CCDC6: variants seen among roughly 807,000 people sequenced by gnomAD.
CCDC6 encodes the protein coiled-coil domain-containing protein 6.
CCDC6 carries 20 observed loss-of-function variants against 56.6 expected under a neutral mutation model. The observed-to-expected ratio is 0.35, with a 90% CI of 0.25 to 0.51. The LOEUF is 0.51. CCDC6 is among the 20% of genes least tolerant of loss of function. CCDC6 has a pLI of 0.95. For synonymous variants in CCDC6, 241 were observed against 234.4 expected (o/e 1.03, Z -0.26); for missense variants, 367 against 601.1 (o/e 0.61, Z 4.07).
chr10:59,865,641 CAA>C (rs1305746968), intron 1 of CCDC6, among the ~76,000 whole-genome samples: 2 of 151,924 alleles, frequency 1.3e-5, no homozygotes. Flanking sequence ...ATCACGAGGT[CAA>C]GAGATAGAGA....
intron 3 of CCDC6, among the ~76,000 whole-genome samples, chr10:59,830,032 C>T (rs548786142): frequency 1.3e-4 from 20 of 152,320 alleles, no homozygotes; most frequent in African/African-American, 4.8e-4. Flanking sequence ...GCGCTGCCTT[C>T]TGAAATACAG....
At chr10:59,892,404 G>A (rs2071428937) in intron 1 of CCDC6, among the ~76,000 whole-genome samples, 1 of 152,096 alleles carries the variant, frequency 6.6e-6, no homozygotes, top group African/African-American at 2.4e-5. Context: ...CCAAACCCTT[G>A]GAAACCCACT....
chr10:59,807,416 T>C (rs564214258), intron 5 of CCDC6, among the ~76,000 whole-genome samples: 10 of 151,954 alleles, frequency 6.6e-5, no homozygotes, highest in African/African-American at 2.4e-4. Flanking sequence ...ACTCAGGAGG[T>C]GGAGGTTGTA....
intron 1 of CCDC6, among the ~76,000 whole-genome samples, chr10:59,858,473 T>C (rs1348593535): frequency 1.3e-5 from 2 of 152,228 alleles, no homozygotes; most frequent in African/African-American, 4.8e-5. Flanking sequence ...GTTACAGGAC[T>C]GCAGAGCAAG....
chr10:59,804,784 C>T, intron 6 of CCDC6: 1 of 393,896 alleles, frequency 2.5e-6, no homozygotes, highest in Non-Finnish European at 4.7e-6. Context: ...AGGTGCACCA[C>T]ACCACAGAGA....
chr10:59,873,464 G>A (rs114410729), intron 1 of CCDC6, among the ~76,000 whole-genome samples: 397 of 152,194 alleles, frequency 2.6e-3, no homozygotes, highest in African/African-American at 8.0e-3. Context: ...GATCTTCCCC[G>A]GCCAGAGGTT....
At chr10:59,793,790 G>A (rs1403304909) in intron 8 of CCDC6, among the ~76,000 whole-genome samples, 2 of 132,318 alleles carry the variant, frequency 1.5e-5, no homozygotes, top group Non-Finnish European at 3.3e-5. Context: ...AAAAAAAAAA[G>A]TTCCTACTTT....
At chr10:59,883,851 T>C (rs1209038598) in intron 1 of CCDC6, among the ~76,000 whole-genome samples, 1 of 152,214 alleles carries the variant, frequency 6.6e-6, no homozygotes, top group South Asian at 2.1e-4. Context: ...ATAAACTGGA[T>C]AAAGTTTAAT....
At chr10:59,841,561 T>G (rs956573135) in intron 2 of CCDC6, among the ~76,000 whole-genome samples, 5 of 152,196 alleles carry the variant, frequency 3.3e-5, no homozygotes, top group African/African-American at 1.2e-4. Context: ...GCAGTATTAG[T>G]TCCTCCTTTC....
At chr10:59,888,442 G>A (rs1259605195) in intron 1 of CCDC6, among the ~76,000 whole-genome samples, 1 of 152,228 alleles carries the variant, frequency 6.6e-6, no homozygotes, top group Non-Finnish European at 1.5e-5. Context: ...CATACCTACT[G>A]AGGGCAGAAC....
At chr10:59,884,389 C>T (rs2071367542) in intron 1 of CCDC6, among the ~76,000 whole-genome samples, 1 of 152,188 alleles carries the variant, frequency 6.6e-6, no homozygotes, top group Admixed American at 6.5e-5. Context: ...TTCAAAAGCA[C>T]ATACTCTAAA....
rs2070454942 is a variant in CCDC6 at position 59,790,105 on chromosome 10, A to G, written c.*2812T>C. 1 of 214,052 alleles carries G rather than the reference A, an allele frequency of 4.7e-6. No individual in the cohort carries two copies. The highest frequency in any genetic ancestry group is 5.9e-5 in the Admixed American group (1 of 17,056). 13.3% of individuals were successfully genotyped at this position (214,052 alleles called of 1,614,324 possible). A position where few individuals can be genotyped will look rare whatever the true frequency, so the allele number is the denominator to read the frequency against. ...TCTGTCTAGAGTGCTAGCATGCTTGATGAGAGAAAGCAGTTCAGAGCCCAA... is the reference window on the plus strand; with the variant it reads ...TCTGTCTAGAGTGCTAGCATGCTTGGTGAGAGAAAGCAGTTCAGAGCCCAA... On this transcript the variant is annotated 3_prime_UTR_variant, in exon 9 of 9. Coordinates refer to ENST00000263102, the MANE Select transcript of CCDC6 (RefSeq NM_005436.5).
At chr10:59,830,076 A>G (rs1327257061) in intron 3 of CCDC6, among the ~76,000 whole-genome samples, 1 of 152,170 alleles carries the variant, frequency 6.6e-6, no homozygotes, top group Admixed American at 6.6e-5. Flanking sequence ...CCAAACCTAC[A>G]CTTACTACTG....
chr10:59,889,741 T>G (rs2071407946), intron 1 of CCDC6, among the ~76,000 whole-genome samples: 1 of 152,160 alleles, frequency 6.6e-6, no homozygotes, highest in Admixed American at 6.5e-5. Context: ...ATTTCTCCCC[T>G]TTCTCCAACT....
intron 1 of CCDC6, among the ~76,000 whole-genome samples, chr10:59,883,231 A>G (rs193164362): frequency 6.6e-6 from 1 of 152,306 alleles, no homozygotes; most frequent in East Asian, 1.9e-4. Flanking sequence ...AGCAGACAAC[A>G]CTGTCAGTTA....
Position 59,906,381 on chromosome 10 carries a change from C to T in CCDC6, c.44G>A (p.Gly15Asp), listed in dbSNP as rs777134350. ...CATGGCGGCCGAGCTGCTGCTGTTG[C>T]CCCCCGCCCCGTCCGTGTCGCTCTC... is the stretch of plus-strand genomic sequence containing the variant. ...ASESDTDGAGGNSSSSAAMQS... is the reference protein window; with the variant it reads ...ASESDTDGAGDNSSSSAAMQS... The change falls in exon 1 of 9, where the codon GGC (glycine) becomes GAC (aspartate). Residue 15 changes from glycine (G) to aspartate (D), a missense_variant. Physicochemically the swap from Gly to Asp is moderately conservative, Grantham distance 94. Around this residue, in one of 7 missense-constraint regions of CCDC6, gnomAD observed 79 missense variants for 74.9 expected, o/e 1.05. Transcript: ENST00000263102. 3.2e-6 allele frequency: 5 copies of T among 1,586,990 alleles called. No homozygotes were observed. Among genetic ancestry groups the T allele is most frequent in the East Asian group, 2.3e-5 (1 of 44,058 alleles).
chr10:59,820,096 C>T (rs942115363), intron 3 of CCDC6, among the ~76,000 whole-genome samples: 11 of 152,190 alleles, frequency 7.2e-5, no homozygotes, highest in African/African-American at 1.9e-4. Flanking sequence ...AATTCACAGC[C>T]GGTCCCACTT....
chr10:59,806,809 A>C (rs1156408423), intron 6 of CCDC6, 113 bp downstream of exon 6: 7 of 865,430 alleles, frequency 8.1e-6, no homozygotes, highest in Non-Finnish European at 1.1e-5. Flanking sequence ...TAGCACAATA[A>C]ATACATATTT....
rs186794205 is a variant in CCDC6, at chr10:59,900,442, G to A, written c.303+5680C>T. Among the ~76,000 whole-genome samples the A allele has an allele frequency of 2.6e-5, 4 of 152,300 alleles. No individual in the cohort carries two copies. In the East Asian group the frequency reaches 7.7e-4, roughly 29 times the overall value. On this transcript the variant is annotated intron_variant, in intron 1 of 8. Transcript: ENST00000263102. The stretch of plus-strand genomic sequence containing the variant: ...GCCAGAGGAAATCTACTGAAGTTCT[G>A]GGTGCTAGTAGTAAAGGAGTGATGT...
Sources: gnomAD v4.1 joint callset for allele counts (sites outside exome capture counted in the v4.1 genomes callset) on GRCh38, gnomAD v4.1.1 for gene constraint, gnomAD v4.1.1 regional missense constraint, MANE v1.5 for transcripts, NCBI Gene and HGNC (gene_info 2026-07-23, HGNC 2026-07-21) for gene names.